Variants in FOXN3 observed in about 807,000 individuals in gnomAD.
FOXN3 encodes the protein forkhead box N3, also known as forkhead box protein N3.
In FOXN3, 7 loss-of-function variants were observed where a neutral mutation model predicts 38.4. The ratio of observed to expected loss-of-function variants is 0.18; its 90% confidence interval spans 0.10 to 0.34. The LOEUF (loss-of-function observed/expected upper bound fraction) is 0.34. FOXN3 is among the 10% of genes least tolerant of loss of function. FOXN3 has a pLI of 1.00. For synonymous variants in FOXN3, 230 were observed against 242.2 expected (o/e 0.95, Z 0.47); for missense variants, 456 against 613.4 (o/e 0.74, Z 2.71).
rs1398829390 is a variant in FOXN3, at chr14:89,417,176, C to T, written c.-320G>A. On this transcript the variant is annotated 5_prime_UTR_variant, in exon 1 of 6. Coordinates refer to ENST00000557258, the MANE Select transcript of FOXN3 (RefSeq NM_005197.4). ...TCGCCTCCGCCGCGGCGCGTCGGGC[C>T]GGGGCGCGCCGAGCGGCGAGAAATT... 2 of 143,144 alleles carry T rather than the reference C, an allele frequency of 1.4e-5. No homozygotes were observed. Among genetic ancestry groups the T allele is most frequent in the South Asian group, 2.2e-4 (1 of 4,474 alleles). 8.9% of individuals were successfully genotyped at this position (143,144 alleles called of 1,614,324 possible).
chr14:89,391,839 T>C (rs116592621), intron 2 of FOXN3, among the ~76,000 whole-genome samples: 3,267 of 152,242 alleles, frequency 0.021, 133 homozygotes, highest in African/African-American at 0.074. Flanking sequence ...ACCCCATCTC[T>C]ACTAAAATGT....
chr14:89,427,810 A>G (rs1284700645), intron 1 of FOXN3, among the ~76,000 whole-genome samples: 1 of 152,150 alleles, frequency 6.6e-6, no homozygotes, highest in Non-Finnish European at 1.5e-5. Context: ...AGCACATGGC[A>G]CAGTGGTAAT....
At chr14:89,442,325 T>A (rs530753866) in intron 1 of FOXN3, among the ~76,000 whole-genome samples, 1 of 152,156 alleles carries the variant, frequency 6.6e-6, no homozygotes, top group Non-Finnish European at 1.5e-5. Flanking sequence ...CAGTAATAGT[T>A]GTCACTGTAA....
rs34194637 is a variant in FOXN3, at chr14:89,533,661, C to CA, written c.-15+85366dup. On this transcript the variant is annotated intron_variant, in intron 1 of 6. Transcript: ENST00000345097. ...TGGGTGACAGAGGGAGACTCTGTCT[C>CA]AAAAAAAAAAAAAAAAAAAAAAAAA... Among the ~76,000 whole-genome samples the CA allele has an allele frequency of 2.5e-3, 162 of 65,936 alleles. 7 individuals are homozygous for CA. Among genetic ancestry groups the CA allele is most frequent in the East Asian group, 7.3e-3 (13 of 1,776 alleles). The allele number at this position is 65,936 out of a possible 152,430, so 43.3% of individuals were successfully genotyped here.
intron 3 of FOXN3, among the ~76,000 whole-genome samples, chr14:89,310,364 A>G (rs1230532109): frequency 1.3e-5 from 2 of 152,194 alleles, no homozygotes; most frequent in African/African-American, 2.4e-5. Context: ...TGAAGGATGG[A>G]GAGAGCGGCT....
chr14:89,553,238 C>CAAAAAAAAA, intron 1 of FOXN3, among the ~76,000 whole-genome samples: 1 of 79,034 alleles, frequency 1.3e-5, no homozygotes, highest in Non-Finnish European at 2.4e-5. Flanking sequence ...GACCCTGTCC[C>CAAAAAAAAA]AAAAAAAAAA....
chr14:89,248,028 A>G (rs957162814), intron 4 of FOXN3, among the ~76,000 whole-genome samples: 5 of 152,144 alleles, frequency 3.3e-5, no homozygotes, highest in South Asian at 2.1e-4. Context: ...ATCGATATCA[A>G]TTCTTCAAAG....
At chr14:89,590,090 T>C (rs1316862522) in intron 1 of FOXN3, among the ~76,000 whole-genome samples, 1 of 152,130 alleles carries the variant, frequency 6.6e-6, no homozygotes, top group African/African-American at 2.4e-5. Flanking sequence ...ACCAAGTCGA[T>C]GTTACCATTT....
At chr14:89,365,540 T>C (rs528013079) in intron 2 of FOXN3, among the ~76,000 whole-genome samples, 13 of 152,350 alleles carry the variant, frequency 8.5e-5, no homozygotes, top group Middle Eastern at 3.4e-3. Flanking sequence ...AAATCGGTTT[T>C]ATCCAACTAA....
chr14:89,191,973 T>TATATATATAAAA, intron 4 of FOXN3, among the ~76,000 whole-genome samples: 1 of 135,192 alleles, frequency 7.4e-6, no homozygotes, highest in African/African-American at 3.2e-5. Flanking sequence ...CACATATATA[T>TATATATATAAAA]AACTATAATA....
At chr14:89,272,840 AAG>A (rs1449741185) in intron 4 of FOXN3, among the ~76,000 whole-genome samples, 1 of 152,202 alleles carries the variant, frequency 6.6e-6, no homozygotes, top group African/African-American at 2.4e-5. Context: ...GCAACAGCGC[AAG>A]ACTCTGTCTC....
chr14:89,301,434 C>A (rs1887214005), intron 3 of FOXN3, among the ~76,000 whole-genome samples: 1 of 151,958 alleles, frequency 6.6e-6, no homozygotes, highest in Non-Finnish European at 1.5e-5. Flanking sequence ...CATGATCATG[C>A]CACTGCGCTC....
At chr14:89,458,476 C>T (rs151022093) in intron 1 of FOXN3, among the ~76,000 whole-genome samples, 87 of 152,300 alleles carry the variant, frequency 5.7e-4, no homozygotes, top group African/African-American at 1.9e-3. Context: ...AATCCATGGA[C>T]GCCAACGGTC....
chr14:89,340,403 T>C (rs1276459083), intron 3 of FOXN3, among the ~76,000 whole-genome samples: 3 of 152,168 alleles, frequency 2.0e-5, no homozygotes, highest in Non-Finnish European at 4.4e-5. Flanking sequence ...TGTGTCTCAA[T>C]GGTTTATGGA....
At chr14:89,617,016 T>C (rs950517085) in intron 1 of FOXN3, among the ~76,000 whole-genome samples, 1 of 148,228 alleles carries the variant, frequency 6.7e-6, no homozygotes, top group Non-Finnish European at 1.5e-5. Flanking sequence ...GCAGGTTTTG[T>C]TTTTGTTTTT....
chr14:89,228,249 GCAAAGCTCAGGAAGA>G, intron 4 of FOXN3, among the ~76,000 whole-genome samples: 1 of 152,328 alleles, frequency 6.6e-6, no homozygotes, highest in Admixed American at 6.5e-5. Flanking sequence ...TCTCTCATTA[GCAAAGCTCAGGAAGA>G]CACGTTTTGA....
chr14:89,387,109 T>C (rs1233225189), intron 2 of FOXN3, among the ~76,000 whole-genome samples: 1 of 152,042 alleles, frequency 6.6e-6, no homozygotes, highest in African/African-American at 2.4e-5. Flanking sequence ...ATACAAAAAA[T>C]TAGCCAGATG....
intron 1 of FOXN3, among the ~76,000 whole-genome samples, chr14:89,558,183 G>C (rs1895168133): frequency 6.6e-6 from 1 of 152,178 alleles, no homozygotes; most frequent in African/African-American, 2.4e-5. Flanking sequence ...GGGTTTTAAA[G>C]ACTCATTTGT....
At chr14:89,290,999 G>T (rs2139933781) in intron 3 of FOXN3, 1 of 438,286 alleles carries the variant, frequency 2.3e-6, no homozygotes, top group East Asian at 6.1e-5. Context: ...TCCACGTGAG[G>T]CCCGTGGTGT....
Sources: gnomAD v4.1 joint callset for allele counts (sites outside exome capture counted in the v4.1 genomes callset) on GRCh38, gnomAD v4.1.1 for gene constraint, MANE v1.5 for transcripts, NCBI Gene and HGNC (gene_info 2026-07-23, HGNC 2026-07-21) for gene names.